UHRF1: variants seen among roughly 807,000 people sequenced by gnomAD.
The protein encoded by UHRF1 is ubiquitin like with PHD and ring finger domains 1.
UHRF1 carries 9 observed loss-of-function variants against 96.5 expected under a neutral mutation model. That is an observed-to-expected ratio of 0.09 (90% CI 0.06 to 0.16). The LOEUF (loss-of-function observed/expected upper bound fraction) is 0.16. Ranked by LOEUF, UHRF1 falls within the 10% of genes least tolerant of loss-of-function variation. UHRF1 has a pLI of 1.00. For synonymous variants in UHRF1, 455 were observed against 469.9 expected, an observed-to-expected ratio of 0.97 and a Z score of 0.41; for missense variants, 626 against 1,131.1, an observed-to-expected ratio of 0.55 and a Z score of 6.40.
At chr19:4,936,289 G>A (rs2033214352) in intron 5 of UHRF1, among the ~76,000 whole-genome samples, 1 of 152,340 alleles carries the variant, frequency 6.6e-6, no homozygotes, top group Admixed American at 6.5e-5. Context: ...ATCATCTGCT[G>A]AGTCAGGCAT....
chr19:4,910,753 G>A, intron 1 of UHRF1, 123 bp from the exon 2 acceptor site: 1 of 1,222,336 alleles, frequency 8.2e-7, no homozygotes, highest in South Asian at 1.8e-5. Flanking sequence ...AGGACTGGAA[G>A]GGCATCCTGG....
At chr19:4,933,200 C>T (rs943295914) in intron 5 of UHRF1, among the ~76,000 whole-genome samples, 2 of 152,206 alleles carry the variant, frequency 1.3e-5, no homozygotes, top group African/African-American at 4.8e-5. Flanking sequence ...CAGGCCCTGA[C>T]AGGCAGAGTT....
In UHRF1 at chr19:4,954,951, G is replaced by A. The variant is rs1599301759; in HGVS notation, c.2130+129G>A. On this transcript the variant is annotated intron_variant, in intron 15 of 16. Transcript: ENST00000650932. This position sits in a 1 kb window ranked among gnomAD's most constrained non-coding sequence, Gnocchi z 5.9. Reference sequence around the variant, plus strand: ...GCACTGAGTACATTCTTGTGGTTGTGCAACCATCACCACCATCACCACCTC... The same window carrying A: ...GCACTGAGTACATTCTTGTGGTTGTACAACCATCACCACCATCACCACCTC... The A allele has an allele frequency of 2.5e-6, 3 of 1,210,582 alleles. No individual in the cohort carries two copies. In the East Asian group the frequency reaches 7.3e-5, roughly 29 times the overall value. The allele number at this position is 1,210,582 out of a possible 1,614,324, so 75.0% of individuals were successfully genotyped here.
chr19:4,908,116 C>T (rs1248642002), upstream of UHRF1, among the ~76,000 whole-genome samples: 1 of 152,176 alleles, frequency 6.6e-6, no homozygotes, highest in African/African-American at 2.4e-5. Context: ...GACATTGTGC[C>T]CACCTGGATC....
chr19:4,953,495 G>A (rs1018919783), intron 13 of UHRF1, among the ~76,000 whole-genome samples: 3 of 152,038 alleles, frequency 2.0e-5, no homozygotes, highest in Non-Finnish European at 4.4e-5. Flanking sequence ...ACCAGGTCTC[G>A]CTCTGTTGTC....
In UHRF1 at chr19:4,932,684, T is replaced by C. The variant is rs563051972; in HGVS notation, c.570-57T>C. 1.6e-5 allele frequency: 25 copies of C among 1,587,436 alleles called. No homozygotes were observed. In the Admixed American group the frequency reaches 2.7e-4, roughly 17 times the overall value. On this transcript the variant is annotated intron_variant, in intron 4 of 16. Coordinates refer to ENST00000650932, the MANE Select transcript of UHRF1 (RefSeq NM_001048201.3). ...CCGTCCCACCTCGGCTCGTTTCCCATTGAGGGAAGGAGGCTTGGTCTTAGC... is the reference window on the plus strand; with the variant it reads ...CCGTCCCACCTCGGCTCGTTTCCCACTGAGGGAAGGAGGCTTGGTCTTAGC...
chr19:4,944,198 CAAG>C lies in UHRF1; in HGVS notation c.1147_1149del (p.Lys383del). On this transcript the variant is annotated inframe_deletion, in exon 8 of 17. Transcript: ENST00000650932. ...TGGCGGGAGAGCGGCTGAGAGAGAGCAAGAAGAAGGCGAAGATGGCCTCGGCCA... is the reference window on the plus strand; with the variant it reads ...TGGCGGGAGAGCGGCTGAGAGAGAGCAAGAAGGCGAAGATGGCCTCGGCCA... 3 of 1,613,956 alleles carry C rather than the reference CAAG, an allele frequency of 1.9e-6. No individual in the cohort carries two copies. Among genetic ancestry groups the C allele is most frequent in the Non-Finnish European group, 1.7e-6 (2 of 1,179,878 alleles).
chr19:4,946,392 C>T (rs1311765443), intron 10 of UHRF1, among the ~76,000 whole-genome samples: 1 of 152,120 alleles, frequency 6.6e-6, no homozygotes, highest in African/African-American at 2.4e-5. Flanking sequence ...TTCTGCCGTG[C>T]GGAGGGACCA....
intron 5 of UHRF1, among the ~76,000 whole-genome samples, chr19:4,934,133 C>A (rs1274510871): frequency 6.6e-6 from 1 of 151,792 alleles, no homozygotes; most frequent in East Asian, 1.9e-4. Context: ...AGGTGATTCT[C>A]CTGCCTCAGC....
rs2033816799 is a variant in UHRF1 at position 4,954,901 on chromosome 19, C to G, written c.2130+79C>G. ...GTGTGGGGCTTGTTTCCCATGTTCC[C>G]CATTTTCAAGTGTACAGCTCAGTCG... On this transcript the variant is annotated intron_variant, in intron 15 of 16. Coordinates refer to ENST00000650932, the MANE Select transcript of UHRF1 (RefSeq NM_001048201.3). The surrounding 1 kb of genome is among the most constrained non-coding windows in gnomAD (Gnocchi z 5.9). 4 of 1,558,306 alleles carry G rather than the reference C, an allele frequency of 2.6e-6. No individual in the cohort carries two copies. Among genetic ancestry groups the G allele is most frequent in the Non-Finnish European group, 3.5e-6 (4 of 1,143,864 alleles).
intron 5 of UHRF1, 21 bp downstream of exon 5, chr19:4,932,977 C>A (rs771482256): frequency 1.3e-6 from 2 of 1,579,752 alleles, no homozygotes; most frequent in Non-Finnish European, 1.7e-6. Context: ...CGTCCTGGGG[C>A]GAGCCCTTCC....
chr19:4,929,810 ATTTTTTTT>A (rs5826867), intron 3 of UHRF1, among the ~76,000 whole-genome samples: 2 of 147,634 alleles, frequency 1.4e-5, no homozygotes, highest in Middle Eastern at 3.4e-3. Context: ...TTATTTTTTT[ATTTTTTTT>A]TTGGCAGGGT....
In UHRF1 at chr19:4,939,332, G is replaced by A. The variant is rs111400406; in HGVS notation, c.786-2196G>A. On this transcript the variant is annotated intron_variant, in intron 5 of 16. Transcript: ENST00000650932. Reference sequence around the variant, plus strand: ...GCCTCAGCCTCCCAAAAGGTGCTGGGATTATAGGTATGAGCCACTATACCC... The same window carrying A: ...GCCTCAGCCTCCCAAAAGGTGCTGGAATTATAGGTATGAGCCACTATACCC... Among the ~76,000 whole-genome samples the A allele has an allele frequency of 5.7e-3, 855 of 151,224 alleles. 11 individuals carry two copies. The highest frequency in any genetic ancestry group is 0.019 in the African/African-American group (782 of 41,182).
At chr19:4,955,072 A>C (rs1368842114) in intron 15 of UHRF1, among the ~76,000 whole-genome samples, 2 of 151,588 alleles carry the variant, frequency 1.3e-5, no homozygotes, top group Non-Finnish European at 2.9e-5. Context: ...AGCCCCGGCA[A>C]CTGCTCCCCA....
At chr19:4,909,341 C>T (rs932457806), upstream of UHRF1, 1 of 590,110 alleles carries the variant, frequency 1.7e-6, no homozygotes, top group Non-Finnish European at 3.0e-6. Context: ...AGCCGTGGCC[C>T]ACTAGGCGGA....
chr19:4,932,140 C>T (rs545206503), intron 4 of UHRF1, among the ~76,000 whole-genome samples: 2 of 152,254 alleles, frequency 1.3e-5, no homozygotes, highest in African/African-American at 4.8e-5. Flanking sequence ...GTTGGCTGGT[C>T]TCCAACTTCC....
At chr19:4,951,324 G>A (rs965576523) in intron 13 of UHRF1, among the ~76,000 whole-genome samples, 8 of 152,100 alleles carry the variant, frequency 5.3e-5, no homozygotes, top group African/African-American at 1.2e-4. Context: ...TGGGCACCAT[G>A]TGTCCTGCTT....
intron 5 of UHRF1, among the ~76,000 whole-genome samples, chr19:4,939,885 G>C (rs889863777): frequency 6.6e-6 from 1 of 152,054 alleles, no homozygotes; most frequent in Non-Finnish European, 1.5e-5. Flanking sequence ...TTAGCCAGGC[G>C]TGGTGGCGGG....
rs748982378 is a variant in UHRF1, at chr19:4,954,762, C to T, written c.2070C>T (p.Asn690=). 54 of 1,613,788 alleles carry T rather than the reference C, an allele frequency of 3.3e-5. No individual in the cohort carries two copies. Among genetic ancestry groups the T allele is most frequent in the Middle Eastern group, 3.3e-4 (2 of 6,084 alleles). ...GCCTCATCAGAGAGGACAAGAGCAA[C>T]GCCAAGCTGTGGAATGAGGTCCTGG... The part of the protein sequence containing the change: ...QSSLIREDKS[N]AKLWNEVLAS... The change falls in exon 15 of 17, where the codon AAC becomes AAT. Residue 690 remains asparagine (N), a synonymous_variant. Coordinates refer to ENST00000650932, the MANE Select transcript of UHRF1 (RefSeq NM_001048201.3). The surrounding 1 kb of genome is among the most constrained non-coding windows in gnomAD (Gnocchi z 5.9).
Sources: gnomAD v4.1 joint callset for allele counts (sites outside exome capture counted in the v4.1 genomes callset) on GRCh38, gnomAD v4.1.1 for gene constraint, Gnocchi (gnomAD v3.1) non-coding constraint, MANE v1.5 for transcripts, NCBI Gene and HGNC (gene_info 2026-07-23, HGNC 2026-07-21) for gene names.